Variants in IQSEC3 observed in about 807,000 individuals in gnomAD.
IQSEC3 encodes IQ motif and SEC7 domain-containing protein 3.
IQSEC3 carries 50 observed loss-of-function variants against 105.4 expected under a neutral mutation model. The observed-to-expected ratio is 0.47, with a 90% CI of 0.38 to 0.60. The LOEUF (loss-of-function observed/expected upper bound fraction) is 0.60. Ranked by LOEUF, IQSEC3 falls within the 20% of genes least tolerant of loss-of-function variation. The pLI, the probability that IQSEC3 is intolerant of heterozygous loss-of-function variation, is 0.00. For synonymous variants in IQSEC3, 708 were observed against 746.0 expected (o/e 0.95, Z 0.83); for missense variants, 1,415 against 1,630.0 (o/e 0.87, Z 2.27).
Position 138,811 on chromosome 12 carries a change from T to C in IQSEC3, c.1448T>C (p.Met483Thr), listed in dbSNP as rs782311716. The change falls in exon 4 of 14, where the codon ATG (methionine) becomes ACG (threonine). Residue 483 changes from methionine (M) to threonine (T), a missense_variant. Met to Thr is a moderately conservative substitution (Grantham distance 81). Coordinates refer to ENST00000538872, the MANE Select transcript of IQSEC3 (RefSeq NM_001170738.2). The surrounding 1 kb of genome is among the most constrained non-coding windows in gnomAD (Gnocchi z 7.1). ...CCGGCCCACAGCGGGACCCTCATGA[T>C]GGCTTTCCGGGACGTCACGGTGCAG... ...LPPAHSGTLM[M>T]AFRDVTVQIA... The C allele has an allele frequency of 6.2e-7, 1 of 1,609,484 alleles. No individual in the cohort carries two copies. The highest frequency in any genetic ancestry group is 1.3e-5 in the African/African-American group (1 of 74,620).
rs965494681 is a variant in IQSEC3, at chr12:165,652, C to T, written c.2810-77C>T. The T allele has an allele frequency of 6.9e-6, 11 of 1,588,232 alleles. No homozygotes were observed. In the African/African-American group the frequency reaches 1.5e-4, roughly 21 times the overall value. On this transcript the variant is annotated intron_variant, in intron 10 of 13. Coordinates refer to ENST00000538872, the MANE Select transcript of IQSEC3 (RefSeq NM_001170738.2). ...GGGTGGAGGCATGAGACCCCGTGCC[C>T]TCCTCATGTCTGGCTGGCTCTGGCC... is the stretch of plus-strand genomic sequence containing the variant.
intron 3 of IQSEC3, among the ~76,000 whole-genome samples, chr12:130,935 G>A (rs1865567578): frequency 6.7e-6 from 1 of 149,926 alleles, no homozygotes; most frequent in South Asian, 2.1e-4. Flanking sequence ...GTCTCAACTG[G>A]GAAGTCTTGG....
chr12:157,292 TG>T (rs1866724021), intron 6 of IQSEC3, 145 bp downstream of exon 6: 7 of 1,296,080 alleles, frequency 5.4e-6, no homozygotes, highest in Non-Finnish European at 7.2e-6. Flanking sequence ...GGAGGATGGC[TG>T]GGGAGAAACA....
intron 13 of IQSEC3, 56 bp from the exon 14 acceptor site, chr12:174,543 G>A: frequency 1.4e-6 from 2 of 1,458,236 alleles, no homozygotes; most frequent in Non-Finnish European, 1.8e-6. Context: ...GCCTGTCCTA[G>A]CAGCTGGGAA....
intron 1 of IQSEC3, among the ~76,000 whole-genome samples, chr12:98,667 T>C (rs1017229623): frequency 1.7e-4 from 26 of 152,220 alleles, no homozygotes; most frequent in Admixed American, 2.0e-4. Context: ...CTGAAGTCCC[T>C]GTATGAATGT....
At chr12:95,405 T>C (rs1370321980) in intron 1 of IQSEC3, among the ~76,000 whole-genome samples, 2 of 152,246 alleles carry the variant, frequency 1.3e-5, no homozygotes, top group African/African-American at 4.8e-5. Context: ...CATGATCTAG[T>C]CTGTGAAATG....
chr12:108,105 C>G (rs1303044746), intron 2 of IQSEC3, among the ~76,000 whole-genome samples: 1 of 152,220 alleles, frequency 6.6e-6, no homozygotes, highest in African/African-American at 2.4e-5. Context: ...TAACCCTAAC[C>G]CTAACCCTAA....
chr12:122,575 A>C (rs1478768528), intron 2 of IQSEC3, among the ~76,000 whole-genome samples: 1 of 152,238 alleles, frequency 6.6e-6, no homozygotes, highest in Admixed American at 6.5e-5. Context: ...GAAATGAAAC[A>C]CAGAAGAGAA....
chr12:163,432 G>A (rs1192335439), intron 8 of IQSEC3, 62 bp from the exon 9 acceptor site: 16 of 1,479,660 alleles, frequency 1.1e-5, no homozygotes, highest in Middle Eastern at 3.9e-4. Context: ...GAAAATGGGC[G>A]CGTGGGTGGG....
chr12:112,179 G>T (rs910823491), intron 2 of IQSEC3, among the ~76,000 whole-genome samples: 4 of 152,044 alleles, frequency 2.6e-5, no homozygotes, highest in Non-Finnish European at 4.4e-5. Context: ...ATTTATGACC[G>T]AAGTAGCTGG....
intron 2 of IQSEC3, among the ~76,000 whole-genome samples, chr12:115,245 G>T (rs1479553683): frequency 6.6e-6 from 1 of 152,206 alleles, no homozygotes; most frequent in Non-Finnish European, 1.5e-5. Flanking sequence ...CCTCTGGCAT[G>T]TGGTAAACTT....
At chr12:128,297 CATT>C (rs1865480966) in intron 3 of IQSEC3, among the ~76,000 whole-genome samples, 2 of 152,266 alleles carry the variant, frequency 1.3e-5, no homozygotes, top group South Asian at 4.1e-4. Context: ...ACTTGTTCCT[CATT>C]ATATTCTCAG....
intron 3 of IQSEC3, among the ~76,000 whole-genome samples, chr12:137,010 C>A (rs1429558677): frequency 6.6e-6 from 1 of 152,184 alleles, no homozygotes; most frequent in Non-Finnish European, 1.5e-5. Context: ...GGGATCAGAT[C>A]TGCCCAGGTG....
In IQSEC3 at chr12:175,385, T is replaced by C. The variant is rs1462649643; in HGVS notation, c.*352T>C. On this transcript the variant is annotated 3_prime_UTR_variant, in exon 14 of 14. Coordinates refer to ENST00000538872, the MANE Select transcript of IQSEC3 (RefSeq NM_001170738.2). ...AGCTTGCAGGCTTTGAGTCTGTTAG[T>C]GCCCGGGGCCTCGGGCCTTGGGCAG... The C allele has an allele frequency of 8.3e-6, 2 of 241,368 alleles. No individual in the cohort carries two copies. The highest frequency in any genetic ancestry group is 1.3e-4 in the South Asian group (1 of 7,924). 15.0% of individuals were successfully genotyped at this position (241,368 alleles called of 1,614,324 possible).
At chr12:170,341 T>C (rs1555099875) in intron 12 of IQSEC3, among the ~76,000 whole-genome samples, 1 of 150,718 alleles carries the variant, frequency 6.6e-6, no homozygotes, top group Non-Finnish European at 1.5e-5. Flanking sequence ...CTGCCCGCCC[T>C]GGTTAGGCCC....
intron 2 of IQSEC3, among the ~76,000 whole-genome samples, chr12:107,430 G>C (rs1338700527): frequency 1.5e-5 from 1 of 68,606 alleles, no homozygotes; most frequent in African/African-American, 5.6e-5. Context: ...TTTTTTTTGA[G>C]ACGGAGTCTT....
chr12:144,835 G>A (rs1204183198), intron 5 of IQSEC3, among the ~76,000 whole-genome samples: 1 of 152,226 alleles, frequency 6.6e-6, no homozygotes, highest in African/African-American at 2.4e-5. Context: ...ACCTGCAAAG[G>A]TTTCGCTTTT....
chr12:103,160 C>T (rs1336249337), intron 2 of IQSEC3, among the ~76,000 whole-genome samples: 2 of 151,936 alleles, frequency 1.3e-5, no homozygotes, highest in Non-Finnish European at 2.9e-5. Flanking sequence ...TGCAGCCCTA[C>T]TTTCGATCCT....
intron 2 of IQSEC3, among the ~76,000 whole-genome samples, chr12:101,131 G>C (rs558932593): frequency 1.6e-4 from 24 of 152,306 alleles, no homozygotes; most frequent in African/African-American, 5.3e-4. Context: ...GGGCACCAGA[G>C]ACTATCCCTT....
Sources: gnomAD v4.1 joint callset for allele counts (sites outside exome capture counted in the v4.1 genomes callset) on GRCh38, gnomAD v4.1.1 for gene constraint, Gnocchi (gnomAD v3.1) non-coding constraint, MANE v1.5 for transcripts, NCBI Gene and HGNC (gene_info 2026-07-23, HGNC 2026-07-21) for gene names.